Variants in BARX2 observed in about 807,000 individuals in gnomAD.
BARX2 encodes homeobox protein BarH-like 2.
A neutral mutation model predicts 25.5 loss-of-function variants in BARX2; 11 were observed. The observed-to-expected ratio is 0.43, with a 90% CI of 0.27 to 0.71. The LOEUF (loss-of-function observed/expected upper bound fraction) is 0.71. Among genes scored for constraint, BARX2 ranks in the 30% least tolerant of loss-of-function variants. BARX2 has a pLI of 0.19. For missense variants in BARX2, 360 were observed against 359.9 expected, an observed-to-expected ratio of 1.00 and a Z score of 0.00; for synonymous variants, 137 against 149.5, an observed-to-expected ratio of 0.92 and a Z score of 0.61.
At chr11:129,405,815 G>A (rs1861823709) in intron 1 of BARX2, among the ~76,000 whole-genome samples, 1 of 152,166 alleles carries the variant, frequency 6.6e-6, no homozygotes, top group African/African-American at 2.4e-5. Context: ...TGCCTAGAAT[G>A]CTTGCAATTC....
intron 1 of BARX2, among the ~76,000 whole-genome samples, chr11:129,420,214 T>C (rs1237862213): frequency 2.0e-5 from 3 of 152,184 alleles, no homozygotes; most frequent in Non-Finnish European, 2.9e-5. Context: ...TTGGGGAAAT[T>C]TTCCAAGCAG....
chr11:129,401,291 A>G lies in BARX2; in HGVS notation c.187+25069A>G, dbSNP rs140034725. Among the ~76,000 whole-genome samples, 300 of 150,640 alleles carry G rather than the reference A, an allele frequency of 2.0e-3. 2 individuals are homozygous for G. The highest frequency in any genetic ancestry group is 7.1e-3 in the African/African-American group (291 of 41,182). On this transcript the variant is annotated intron_variant, in intron 1 of 3. Coordinates refer to ENST00000281437, the MANE Select transcript of BARX2 (RefSeq NM_003658.5). ...ATATAAGTTAAGACATAGTTTTAGT[A>G]TGGCAGAGACTTGACCACCTGTTTT... is the stretch of plus-strand genomic sequence containing the variant.
intron 2 of BARX2, among the ~76,000 whole-genome samples, chr11:129,439,979 C>G (rs931299252): frequency 6.6e-6 from 1 of 152,102 alleles, no homozygotes; most frequent in Non-Finnish European, 1.5e-5. Flanking sequence ...GCCCAGGCAT[C>G]TCTCAGGTCA....
At chr11:129,437,948 C>T (rs1793889802) in intron 2 of BARX2, 1 of 152,032 alleles carries the variant, frequency 6.6e-6, no homozygotes, top group Admixed American at 6.6e-5. Flanking sequence ...ATCACTTGAA[C>T]CCAGGACTTT....
At position 129,430,111 on chromosome 11, in the gene BARX2, G is replaced by C. The variant is rs115976285; in HGVS notation, c.188-6640G>C. ...TTCCCCAGTTGGCTGCTTTTCTGGA[G>C]AGCGGGATATTCCCGGAATTCTGCT... is the stretch of plus-strand genomic sequence containing the variant. On this transcript the variant is annotated intron_variant, in intron 1 of 3. Transcript: ENST00000281437. Among the ~76,000 whole-genome samples, 853 of 152,234 alleles carry C rather than the reference G, an allele frequency of 5.6e-3. 11 individuals carry two copies. Among genetic ancestry groups the C allele is most frequent in the African/African-American group, 0.02 (820 of 41,536 alleles).
intron 1 of BARX2, among the ~76,000 whole-genome samples, chr11:129,377,109 G>GA (rs1861512394): frequency 6.6e-6 from 1 of 152,182 alleles, no homozygotes; most frequent in Non-Finnish European, 1.5e-5. Context: ...CTTTTTATCA[G>GA]AAAAAAGTTA....
chr11:129,434,400 TAA>T (rs1190340519), intron 1 of BARX2, among the ~76,000 whole-genome samples: 3 of 81,826 alleles, frequency 3.7e-5, no homozygotes, highest in South Asian at 4.5e-4. Flanking sequence ...GTCTCTACTT[TAA>T]AAAAAAAAAA....
chr11:129,394,883 T>C (rs974293209), intron 1 of BARX2, among the ~76,000 whole-genome samples: 1 of 151,870 alleles, frequency 6.6e-6, no homozygotes, highest in African/African-American at 2.4e-5. Context: ...TCTGCAGAGC[T>C]GTGCAAAGGC....
intron 1 of BARX2, among the ~76,000 whole-genome samples, chr11:129,378,210 G>T (rs1239025703): frequency 6.6e-6 from 1 of 152,154 alleles, no homozygotes; most frequent in Non-Finnish European, 1.5e-5. Context: ...TTGAAAATGT[G>T]TCGTTATTTT....
At chr11:129,418,590 A>G (rs2135402075) in intron 1 of BARX2, among the ~76,000 whole-genome samples, 1 of 152,222 alleles carries the variant, frequency 6.6e-6, no homozygotes, top group East Asian at 1.9e-4. Context: ...ATACATTTCT[A>G]CAGTTTGAAA....
chr11:129,414,997 A>G (rs879362357), intron 1 of BARX2, among the ~76,000 whole-genome samples: 4 of 152,234 alleles, frequency 2.6e-5, no homozygotes, highest in Non-Finnish European at 2.9e-5. Flanking sequence ...AAGTAGTGCA[A>G]TATTGCTCAT....
chr11:129,386,781 T>G (rs1269262106), intron 1 of BARX2, among the ~76,000 whole-genome samples: 1 of 152,248 alleles, frequency 6.6e-6, no homozygotes, highest in Non-Finnish European at 1.5e-5. Context: ...GAGCTCTATC[T>G]TTCTGTGTCC....
intron 1 of BARX2, among the ~76,000 whole-genome samples, chr11:129,431,484 A>G (rs959227114): frequency 3.3e-5 from 5 of 151,894 alleles, no homozygotes; most frequent in Admixed American, 1.3e-4. Context: ...AAAAACGTCA[A>G]CTGTTCTAGC....
chr11:129,379,660 A>G, intron 1 of BARX2, among the ~76,000 whole-genome samples: 1 of 152,126 alleles, frequency 6.6e-6, no homozygotes, highest in East Asian at 1.9e-4. Flanking sequence ...AGAATCAGGC[A>G]GTTTCTAAAT....
intron 1 of BARX2, among the ~76,000 whole-genome samples, chr11:129,409,847 G>A (rs1410306598): frequency 6.6e-6 from 1 of 152,038 alleles, no homozygotes; most frequent in Non-Finnish European, 1.5e-5. Flanking sequence ...TTCTGTTATA[G>A]TCTTTTATTT....
chr11:129,439,424 C>T (rs1055592787), intron 2 of BARX2, among the ~76,000 whole-genome samples: 2 of 152,148 alleles, frequency 1.3e-5, no homozygotes, highest in African/African-American at 4.8e-5. Context: ...GCCATCCCTC[C>T]CCTATCCTCC....
At position 129,376,272 on chromosome 11, in the gene BARX2, G is replaced by A. The variant is rs1435170227; in HGVS notation, c.187+50G>A. 2.6e-6 allele frequency: 4 copies of A among 1,516,216 alleles called. No individual in the cohort carries two copies. Among genetic ancestry groups the A allele is most frequent in the African/African-American group, 1.4e-5 (1 of 70,342 alleles). The allele number at this position is 1,516,216 out of a possible 1,614,324, so 93.9% of individuals were successfully genotyped here. On this transcript the variant is annotated intron_variant, in intron 1 of 3. Coordinates refer to ENST00000281437, the MANE Select transcript of BARX2 (RefSeq NM_003658.5). The surrounding 1 kb of genome is among the most constrained non-coding windows in gnomAD (Gnocchi z 4.2). ...GTGGGGTTCGGTAGCTTTCACGTCC[G>A]TGTAGGTGGCCTGTGCTTTGCGATC... is the stretch of plus-strand genomic sequence containing the variant.
intron 2 of BARX2, 181 bp from the exon 3 acceptor site, chr11:129,442,654 A>C: frequency 1.7e-6 from 1 of 577,878 alleles, no homozygotes; most frequent in Non-Finnish European, 3.1e-6. Context: ...AGCTTCCCAG[A>C]GTTTCCTCTG....
At chr11:129,408,088 A>C (rs547664467) in intron 1 of BARX2, among the ~76,000 whole-genome samples, 3 of 151,390 alleles carry the variant, frequency 2.0e-5, no homozygotes, top group Non-Finnish European at 4.4e-5. Context: ...AAGAAGGAGA[A>C]GCGGGCAAAC....
Sources: gnomAD v4.1 joint callset for allele counts (sites outside exome capture counted in the v4.1 genomes callset) on GRCh38, gnomAD v4.1.1 for gene constraint, Gnocchi (gnomAD v3.1) non-coding constraint, MANE v1.5 for transcripts, NCBI Gene and HGNC (gene_info 2026-07-23, HGNC 2026-07-21) for gene names.